The following TMEM131 variants were observed in gnomAD, a reference collection of about 807,000 sequenced individuals.
The protein encoded by TMEM131 is 2610524E03Rik.
In TMEM131, 66 loss-of-function variants were observed where a neutral mutation model predicts 211.6. The ratio of observed to expected loss-of-function variants is 0.31; its 90% confidence interval spans 0.26 to 0.38. TMEM131 has a LOEUF of 0.38. Ranked by LOEUF, TMEM131 falls within the 10% of genes least tolerant of loss-of-function variation. The pLI is 1.00. For missense variants in TMEM131, 2,036 were observed against 2,299.3 expected (o/e 0.89, Z 2.34); for synonymous variants, 844 against 841.3 (o/e 1.00, Z -0.06).
At chr2:97,881,454 C>T (rs1044557102) in intron 4 of TMEM131, among the ~76,000 whole-genome samples, 3 of 151,784 alleles carry the variant, frequency 2.0e-5, no homozygotes, top group African/African-American at 7.3e-5. Context: ...GCAATCCTCC[C>T]ACCTCGGCCT....
intron 11 of TMEM131, among the ~76,000 whole-genome samples, chr2:97,824,958 C>G (rs1013557979): frequency 1.3e-5 from 2 of 152,104 alleles, no homozygotes; most frequent in Non-Finnish European, 2.9e-5. Flanking sequence ...CCAGTTGTAC[C>G]CAACCCCTAT....
chr2:97,990,860 A>C (rs987836364), intron 1 of TMEM131, among the ~76,000 whole-genome samples: 2 of 152,226 alleles, frequency 1.3e-5, no homozygotes, highest in African/African-American at 4.8e-5. Flanking sequence ...AATACAGCTT[A>C]AAACAAAAAT....
At chr2:97,887,974 G>A in intron 4 of TMEM131, 78 bp downstream of exon 4, 2 of 1,164,988 alleles carry the variant, frequency 1.7e-6, no homozygotes, top group Non-Finnish European at 2.5e-6. Context: ...TGTAACACAG[G>A]CAAAAGACAA....
intron 1 of TMEM131, among the ~76,000 whole-genome samples, chr2:97,939,099 T>G (rs1392931704): frequency 6.6e-6 from 1 of 151,958 alleles, no homozygotes; most frequent in Non-Finnish European, 1.5e-5. Context: ...ATTGACACAC[T>G]AACATCACAA....
chr2:97,758,710 A>G (rs571494618), intron 40 of TMEM131, among the ~76,000 whole-genome samples, 183 bp downstream of exon 40: 1 of 152,286 alleles, frequency 6.6e-6, no homozygotes, highest in African/African-American at 2.4e-5. Context: ...TCTGAAGAAC[A>G]TCGATCAGTC....
chr2:97,839,450 G>T (rs1246763079), intron 7 of TMEM131, among the ~76,000 whole-genome samples: 1 of 152,078 alleles, frequency 6.6e-6, no homozygotes, highest in African/African-American at 2.4e-5. Flanking sequence ...AAATTACAAA[G>T]TCAAACAAAT....
intron 4 of TMEM131, among the ~76,000 whole-genome samples, chr2:97,871,262 T>C (rs931439000): frequency 6.6e-6 from 1 of 152,250 alleles, no homozygotes; most frequent in African/African-American, 2.4e-5. Context: ...TCTGACATAG[T>C]TGACGCCATC....
chr2:97,885,154 G>C (rs1016932504), intron 4 of TMEM131, among the ~76,000 whole-genome samples: 1 of 152,128 alleles, frequency 6.6e-6, no homozygotes, highest in Admixed American at 6.6e-5. Context: ...TTTCTTGTAA[G>C]GCCAGTCTAG....
chr2:97,994,960 T>G (rs1468877041), intron 1 of TMEM131, among the ~76,000 whole-genome samples: 1 of 152,204 alleles, frequency 6.6e-6, no homozygotes, highest in Admixed American at 6.5e-5. Flanking sequence ...GGAATTGTAT[T>G]TAGGTCTAAT....
At chr2:97,818,423 C>G (rs1443975866) in intron 12 of TMEM131, among the ~76,000 whole-genome samples, 190 bp downstream of exon 12, 1 of 123,834 alleles carries the variant, frequency 8.1e-6, no homozygotes, top group Non-Finnish European at 1.6e-5. Context: ...GGTATTTTCT[C>G]TCATGAATCA....
In TMEM131 at chr2:97,793,534, T is replaced by A; in HGVS notation, c.3406A>T (p.Ile1136Phe). ...GIMSALFLLV[I>F]GTAYLEAQGI... ...TGAGCTTCCAAATAGGCTGTTCCAATGACCAAAAGAAACAGTGCACTGCAG... is the reference window on the plus strand; with the variant it reads ...TGAGCTTCCAAATAGGCTGTTCCAAAGACCAAAAGAAACAGTGCACTGCAG... Residue 1136 changes from isoleucine (I) to phenylalanine (F), a missense_variant, in exon 30 of 41, where the codon ATT (isoleucine) becomes TTT (phenylalanine). By Grantham distance (21) the Ile-to-Phe change is conservative. Around this residue, in one of 3 missense-constraint regions of TMEM131, gnomAD observed 1,623 missense variants for 1,805.9 expected, o/e 0.90. Coordinates refer to ENST00000186436, the MANE Select transcript of TMEM131 (RefSeq NM_015348.2). The A allele has an allele frequency of 6.2e-7, 1 of 1,613,274 alleles. No homozygotes were observed. The highest frequency in any genetic ancestry group is 8.5e-7 in the Non-Finnish European group (1 of 1,179,534).
intron 1 of TMEM131, among the ~76,000 whole-genome samples, chr2:97,937,108 C>A (rs59444417): frequency 0.077 from 11,745 of 151,990 alleles, 538 homozygotes; most frequent in Middle Eastern, 0.12. Flanking sequence ...ACAGGACTTA[C>A]TAGAAGACTT....
intron 11 of TMEM131, among the ~76,000 whole-genome samples, chr2:97,830,704 A>C (rs1056574608): frequency 3.9e-5 from 6 of 152,170 alleles, no homozygotes; most frequent in Non-Finnish European, 7.4e-5. Context: ...ATACAGCACT[A>C]ATGTTTTGTA....
At chr2:97,846,195 G>A (rs12712163) in intron 5 of TMEM131, among the ~76,000 whole-genome samples, 52,396 of 152,054 alleles carry the variant, frequency 0.34, 9,942 homozygotes, top group Middle Eastern at 0.49. Flanking sequence ...ACATACAGGA[G>A]AGAACATTCC....
intron 2 of TMEM131, among the ~76,000 whole-genome samples, chr2:97,914,646 G>A (rs1676433862): frequency 6.6e-6 from 1 of 152,172 alleles, no homozygotes; most frequent in Non-Finnish European, 1.5e-5. Context: ...ACCTTTTGGA[G>A]TTGGCTTTTT....
intron 1 of TMEM131, among the ~76,000 whole-genome samples, chr2:97,994,777 A>T (rs979321392): frequency 6.6e-6 from 1 of 152,250 alleles, no homozygotes; most frequent in African/African-American, 2.4e-5. Flanking sequence ...AATACTAATG[A>T]GATTTTTAAA....
intron 1 of TMEM131, among the ~76,000 whole-genome samples, chr2:97,953,648 T>C (rs571311508): frequency 6.6e-6 from 1 of 152,182 alleles, no homozygotes; most frequent in African/African-American, 2.4e-5. Flanking sequence ...TGAACAACAA[T>C]CAACCAACAG....
At position 97,779,742 on chromosome 2, in the gene TMEM131, C is replaced by T. The variant is rs186491363; in HGVS notation, c.4145-3724G>A. ...TCAATTTAGGAATCCCAGGGCTGGG[C>T]GCAGCAGTGGCCTGTAATCCCCAAA... On this transcript the variant is annotated intron_variant, in intron 31 of 40. Transcript: ENST00000186436. 7.0e-4 allele frequency among the ~76,000 whole-genome samples: 106 copies of T among 152,248 alleles called. 1 individual carries two copies. The highest frequency in any genetic ancestry group is 2.0e-3 in the African/African-American group (84 of 41,534).
chr2:97,850,939 G>A (rs527903902), intron 5 of TMEM131, among the ~76,000 whole-genome samples: 105 of 151,558 alleles, frequency 6.9e-4, no homozygotes, highest in African/African-American at 2.5e-3. Flanking sequence ...AAACTCCAAA[G>A]AGTTAGAAAA....
Sources: gnomAD v4.1 joint callset for allele counts (sites outside exome capture counted in the v4.1 genomes callset) on GRCh38, gnomAD v4.1.1 for gene constraint, gnomAD v4.1.1 regional missense constraint, MANE v1.5 for transcripts, NCBI Gene and HGNC (gene_info 2026-07-23, HGNC 2026-07-21) for gene names.